Variants in ZNF341 observed in about 807,000 individuals in gnomAD.
ZNF341 encodes the protein zinc finger protein 341.
In ZNF341, 52 loss-of-function variants were observed where a neutral mutation model predicts 87.7. The ratio of observed to expected loss-of-function variants is 0.59; its 90% CI spans 0.47 to 0.75. ZNF341 has a LOEUF of 0.75. Ranked by LOEUF, ZNF341 falls within the 30% of genes least tolerant of loss-of-function variation. The pLI, the probability that ZNF341 is intolerant of heterozygous loss-of-function variation, is 0.00. For missense variants in ZNF341, 977 were observed against 1,145.9 expected (o/e 0.85, Z 2.13); for synonymous variants, 459 against 472.7 (o/e 0.97, Z 0.38).
At chr20:33,776,913 C>A (rs940029137) in intron 10 of ZNF341, among the ~76,000 whole-genome samples, 1 of 151,502 alleles carries the variant, frequency 6.6e-6, no homozygotes, top group Non-Finnish European at 1.5e-5. Context: ...TCCTGCCTGG[C>A]CTTCCCAAAG....
intron 10 of ZNF341, among the ~76,000 whole-genome samples, chr20:33,773,653 G>C (rs937401662): frequency 1.3e-5 from 2 of 152,192 alleles, no homozygotes; most frequent in African/African-American, 4.8e-5. Flanking sequence ...GAGGCTCTTA[G>C]ACATGGTACC....
At position 33,789,726 on chromosome 20, in the gene ZNF341, C is replaced by G. The variant is rs766715793; in HGVS notation, c.2035+138C>G. ...TGGCACATTCCAGCCAGCACTTTCA[C>G]TTATGTGGGCTATGAGCCAGGCCTG... On this transcript the variant is annotated intron_variant, in intron 14 of 14. Transcript: ENST00000375200. 16 of 907,022 alleles carry G rather than the reference C, an allele frequency of 1.8e-5. No homozygotes were observed. The South Asian group carries it at 1.9e-4, about 11-fold the overall frequency. 56.2% of individuals were successfully genotyped at this position (907,022 alleles called of 1,614,324 possible). A position where few individuals can be genotyped will look rare whatever the true frequency, so the allele number is the denominator to read the frequency against.
chr20:33,772,509 C>A (rs910800436), intron 10 of ZNF341, among the ~76,000 whole-genome samples: 2 of 152,052 alleles, frequency 1.3e-5, no homozygotes, highest in African/African-American at 4.8e-5. Context: ...AACAAATGCA[C>A]CCTATCACTT....
intron 12 of ZNF341, among the ~76,000 whole-genome samples, chr20:33,786,427 TA>T (rs2122737594): frequency 6.6e-6 from 1 of 152,284 alleles, no homozygotes; most frequent in East Asian, 1.9e-4. Context: ...AATGCTAGGT[TA>T]AAATGCATGT....
At chr20:33,750,270 A>G (rs2019025378) in intron 4 of ZNF341, among the ~76,000 whole-genome samples, 1 of 152,174 alleles carries the variant, frequency 6.6e-6, no homozygotes, top group South Asian at 2.1e-4. Flanking sequence ...ATTTTTTAAT[A>G]CAAAAAAGAT....
chr20:33,773,812 G>A (rs553666677), intron 10 of ZNF341, among the ~76,000 whole-genome samples: 1 of 152,182 alleles, frequency 6.6e-6, no homozygotes, highest in East Asian at 1.9e-4. Flanking sequence ...AGTGACATTT[G>A]AGTGGCTGTG....
chr20:33,738,090 T>C (rs887084109), intron 1 of ZNF341, among the ~76,000 whole-genome samples: 1 of 150,726 alleles, frequency 6.6e-6, no homozygotes, highest in Non-Finnish European at 1.5e-5. Flanking sequence ...TGAGCCAAGA[T>C]TGCGCCATTG....
rs2018596876 is a variant in ZNF341, at chr20:33,732,655, A to G, written c.31+603A>G. On this transcript the variant is annotated intron_variant, in intron 1 of 14. Coordinates refer to ENST00000375200, the MANE Select transcript of ZNF341 (RefSeq NM_001282933.2). The surrounding 1 kb of genome is among the most constrained non-coding windows in gnomAD (Gnocchi z 4.5). ...TGGCCGGTGCAGTTTTACAAATTAA[A>G]CTGACACCGTGGGTGCTGGCGCGGT... 6.6e-6 allele frequency among the ~76,000 whole-genome samples: 1 copy of G among 152,086 alleles called. No homozygotes were observed.
chr20:33,750,009 C>T (rs539897207), intron 4 of ZNF341, among the ~76,000 whole-genome samples: 57 of 151,414 alleles, frequency 3.8e-4, no homozygotes, highest in African/African-American at 1.2e-3. Flanking sequence ...TGCCTTGGCC[C>T]AAAGTGCTGG....
At chr20:33,778,453 G>C (rs2019669746) in intron 10 of ZNF341, among the ~76,000 whole-genome samples, 1 of 152,158 alleles carries the variant, frequency 6.6e-6, no homozygotes, top group Non-Finnish European at 1.5e-5. Flanking sequence ...TGGGATTACA[G>C]GTGTGAGCCA....
chr20:33,780,881 A>G (rs1188169103), intron 10 of ZNF341, among the ~76,000 whole-genome samples: 1 of 151,200 alleles, frequency 6.6e-6, no homozygotes, highest in Non-Finnish European at 1.5e-5. Flanking sequence ...TAATTTTTAA[A>G]TTTTTCATAG....
chr20:33,756,606 G>T (rs2019184301), intron 5 of ZNF341, among the ~76,000 whole-genome samples: 1 of 152,122 alleles, frequency 6.6e-6, no homozygotes, highest in South Asian at 2.1e-4. Context: ...GACCTTAGGT[G>T]ATCTGCCCAC....
intron 13 of ZNF341, 24 bp from the exon 14 acceptor site, chr20:33,789,494 C>T: frequency 1.2e-6 from 2 of 1,613,838 alleles, no homozygotes; most frequent in South Asian, 1.1e-5. Context: ...TGAGCTCCCC[C>T]TGACCAGTGG....
intron 12 of ZNF341, 180 bp from the exon 13 acceptor site, chr20:33,788,683 G>A: frequency 1.5e-6 from 1 of 663,308 alleles, no homozygotes; most frequent in Non-Finnish European, 2.8e-6. Flanking sequence ...TGACCATCCT[G>A]TCAAAATAGC....
At position 33,745,375 on chromosome 20, in the gene ZNF341, G is replaced by T. The variant is rs7274811; in HGVS notation, c.339+76G>T. 0.25 allele frequency: 355,717 copies of T among 1,438,444 alleles called. 45,560 individuals are homozygous for T. Among genetic ancestry groups the T allele is most frequent in the Admixed American group, 0.37 (17,732 of 48,390 alleles). 89.1% of individuals were successfully genotyped at this position (1,438,444 alleles called of 1,614,324 possible). A position where few individuals can be genotyped will look rare whatever the true frequency, so the allele number is the denominator to read the frequency against. ...CTCAGGCACTGTGCTGGGCACTGGG[G>T]CTATAGCAATGGATAAGACAGACCA... On this transcript the variant is annotated intron_variant, in intron 3 of 14. Transcript: ENST00000375200.
chr20:33,764,561 A>ATATATTTTTT (rs1266929824), intron 8 of ZNF341, among the ~76,000 whole-genome samples: 2 of 28,414 alleles, frequency 7.0e-5, no homozygotes, highest in African/African-American at 2.2e-4. Flanking sequence ...ATATATATAT[A>ATATATTTTTT]TTTTTTTTTT....
intron 10 of ZNF341, 114 bp downstream of exon 10, chr20:33,770,406 G>T: frequency 9.2e-7 from 1 of 1,091,792 alleles, no homozygotes. Context: ...TTTGAAAGGA[G>T]AAACCGAGGC....
chr20:33,768,509 A>G (rs2626556), intron 9 of ZNF341, among the ~76,000 whole-genome samples: 97,496 of 151,504 alleles, frequency 0.64, 33,202 homozygotes, highest in East Asian at 0.94. Flanking sequence ...TGTAACCGCC[A>G]CCTCCTGGGT....
At chr20:33,752,652 C>CTTTTTTT (rs956277736) in intron 4 of ZNF341, 11 of 175,456 alleles carry the variant, frequency 6.3e-5, no homozygotes, top group Admixed American at 1.9e-4. Context: ...ATTTTCTTTT[C>CTTTTTTT]TTTTTTTTTT....
Sources: allele counts gnomAD v4.1 joint callset (sites outside exome capture counted in the v4.1 genomes callset), GRCh38; gene constraint gnomAD v4.1.1; non-coding constraint Gnocchi (gnomAD v3.1); transcripts MANE v1.5; gene names NCBI Gene and HGNC (gene_info 2026-07-23, HGNC 2026-07-21).